Variants in TMC7 observed in about 807,000 individuals in gnomAD.
TMC7 encodes the protein transmembrane channel like 7, also known as transmembrane channel-like protein 7.
TMC7 carries 54 observed loss-of-function variants against 82.9 expected under a neutral mutation model. That is an observed-to-expected ratio of 0.65 (90% CI 0.52 to 0.82). The LOEUF (loss-of-function observed/expected upper bound fraction) is 0.82. TMC7 is among the 40% of genes least tolerant of loss of function. TMC7 has a pLI of 0.00. For synonymous variants in TMC7, 350 were observed against 337.9 expected, an observed-to-expected ratio of 1.04 and a Z score of -0.39; for missense variants, 820 against 901.2, an observed-to-expected ratio of 0.91 and a Z score of 1.15.
Position 19,035,786 on chromosome 16 carries a change from C to A in TMC7, c.968C>A (p.Ala323Glu), listed in dbSNP as rs773155092. ...WDFCITNRSM[A>E]DLKHSSLRYE... ...TTCTGCATCACTAACCGCAGCATGG[C>A]GGATCTGAAGCACAGCAGCTTGCGG... The change falls in exon 7 of 16, where the codon GCG becomes GAG. Residue 323 changes from alanine to glutamate, a missense_variant. By Grantham distance (107) the Ala-to-Glu change is moderately radical. Transcript: ENST00000304381. The A allele has an allele frequency of 2.5e-6, 4 of 1,608,366 alleles. No individual in the cohort carries two copies. Among genetic ancestry groups the A allele is most frequent in the Non-Finnish European group, 2.5e-6 (3 of 1,177,150 alleles).
intron 1 of TMC7, among the ~76,000 whole-genome samples, chr16:18,985,750 A>C (rs373615283): frequency 1.4e-5 from 2 of 146,306 alleles, no homozygotes; most frequent in South Asian, 4.5e-4. Context: ...TGGGAGGCTC[A>C]GAAGGGACTG....
intron 1 of TMC7, among the ~76,000 whole-genome samples, chr16:19,000,521 A>G (rs1184511607): frequency 6.6e-6 from 1 of 152,192 alleles, no homozygotes. Flanking sequence ...AAAGAAGTCC[A>G]TAATGTTCTG....
chr16:19,029,149 G>GCGCC (rs1320692385), intron 5 of TMC7, among the ~76,000 whole-genome samples: 10 of 151,412 alleles, frequency 6.6e-5, no homozygotes, highest in African/African-American at 2.4e-4. Context: ...GGGACTACAG[G>GCGCC]CGCCCGCCAC....
rs560378837 is a variant in TMC7, at chr16:19,020,580, T to C, written c.461-1049T>C. On this transcript the variant is annotated intron_variant, in intron 3 of 15. Transcript: ENST00000304381. ...ATACAATTTACAATAGTATCAAAAA[T>C]GTCAGGGCTGGGCGTGGTGGCTCAC... 1.8e-3 allele frequency among the ~76,000 whole-genome samples: 271 copies of C among 152,270 alleles called. 1 individual carries two copies. The Middle Eastern group carries it at 0.024, about 13-fold the overall frequency.
At position 19,011,391 on chromosome 16, in the gene TMC7, AG is replaced by A. The variant is rs569245171; in HGVS notation, c.311+1978del. ...GTAGCATAAATGCATTAGAAAGGTC[AG>A]GCAAAGTGGCTCATGCCTGTAATCA... On this transcript the variant is annotated intron_variant, in intron 2 of 15. Coordinates refer to ENST00000304381, the MANE Select transcript of TMC7 (RefSeq NM_024847.4). 2.2e-3 allele frequency among the ~76,000 whole-genome samples: 333 copies of A among 152,240 alleles called. 1 individual carries two copies. Among genetic ancestry groups the A allele is most frequent in the African/African-American group, 7.7e-3 (318 of 41,548 alleles).
chr16:19,011,551 T>TAA (rs1567508695), intron 2 of TMC7, among the ~76,000 whole-genome samples: 2 of 81,152 alleles, frequency 2.5e-5, no homozygotes, highest in Non-Finnish European at 3.1e-5. Context: ...ATAAATAAAA[T>TAA]AATAATAATA....
At chr16:19,053,965 G>C (rs543160689) in intron 13 of TMC7, among the ~76,000 whole-genome samples, 1 of 151,480 alleles carries the variant, frequency 6.6e-6, no homozygotes, top group Admixed American at 6.6e-5. Flanking sequence ...TTACAGGCGT[G>C]AGCCACCGTG....
chr16:19,056,929 AGCCT>A (rs1961803262), intron 14 of TMC7, among the ~76,000 whole-genome samples: 2 of 151,572 alleles, frequency 1.3e-5, no homozygotes, highest in Non-Finnish European at 2.9e-5. Flanking sequence ...GTTCGAGACC[AGCCT>A]GGACAGCACA....
rs1961551642 is a variant in TMC7, at chr16:19,051,761, GTGT to G, written c.1822_1824del (p.Leu608del). 1.2e-6 allele frequency: 2 copies of G among 1,613,868 alleles called. No homozygotes were observed. Among genetic ancestry groups the G allele is most frequent in the Admixed American group, 1.7e-5 (1 of 59,956 alleles). Reference sequence around the variant, plus strand: ...CAATTCTAATTTCTTCTTCCTGTTGGTGTTGTTGATCGGGCTGTGTTTGGCAAT... The same window carrying G: ...CAATTCTAATTTCTTCTTCCTGTTGGTGTTGATCGGGCTGTGTTTGGCAAT... On this transcript the variant is annotated inframe_deletion, in exon 13 of 16. Transcript: ENST00000304381.
intron 8 of TMC7, among the ~76,000 whole-genome samples, chr16:19,040,032 C>T (rs1336835491): frequency 1.4e-5 from 2 of 142,628 alleles, no homozygotes; most frequent in Non-Finnish European, 3.0e-5. Context: ...AGGAGAATCG[C>T]ATGAACCTGG....
At chr16:19,060,487 G>A (rs935537345) in intron 15 of TMC7, among the ~76,000 whole-genome samples, 2 of 152,042 alleles carry the variant, frequency 1.3e-5, no homozygotes, top group Admixed American at 6.6e-5. Context: ...TTACAGGCAT[G>A]AGCCACTATG....
At chr16:19,047,812 C>T (rs998258150) in intron 12 of TMC7, among the ~76,000 whole-genome samples, 2 of 150,164 alleles carry the variant, frequency 1.3e-5, no homozygotes, top group South Asian at 2.1e-4. Context: ...CCCCCAGGTT[C>T]GAGCGATTCT....
At chr16:19,057,159 A>C (rs756810906) in intron 14 of TMC7, among the ~76,000 whole-genome samples, 1 of 152,094 alleles carries the variant, frequency 6.6e-6, no homozygotes, top group Non-Finnish European at 1.5e-5. Flanking sequence ...AAATAAATAA[A>C]TAAACTAGGC....
intron 9 of TMC7, among the ~76,000 whole-genome samples, chr16:19,042,588 A>C (rs1407550007): frequency 6.6e-6 from 1 of 150,990 alleles, no homozygotes; most frequent in Non-Finnish European, 1.5e-5. Context: ...GCTCACTGCA[A>C]GCTCCGCCTC....
chr16:19,000,951 CAG>C (rs2039131320), intron 1 of TMC7, among the ~76,000 whole-genome samples: 1 of 151,748 alleles, frequency 6.6e-6, no homozygotes, highest in South Asian at 2.1e-4. Flanking sequence ...GCCTGGGAGG[CAG>C]AGTGAGTGGA....
intron 6 of TMC7, among the ~76,000 whole-genome samples, chr16:19,030,601 C>T (rs1960472427): frequency 6.9e-6 from 1 of 145,936 alleles, no homozygotes; most frequent in African/African-American, 2.5e-5. Flanking sequence ...TTTTTCCAGA[C>T]AGAGTCTTTC....
chr16:19,032,316 G>A (rs1960553189), intron 6 of TMC7, among the ~76,000 whole-genome samples: 1 of 152,178 alleles, frequency 6.6e-6, no homozygotes, highest in African/African-American at 2.4e-5. Flanking sequence ...GAATCTGTGA[G>A]ATGAACGTGA....
At chr16:19,039,099 T>C (rs1960891954) in intron 8 of TMC7, among the ~76,000 whole-genome samples, 3 of 148,340 alleles carry the variant, frequency 2.0e-5, no homozygotes, top group Admixed American at 6.7e-5. Context: ...TTTCTTTTTT[T>C]TTTTTTTTTG....
chr16:19,048,770 G>A (rs1961399661), intron 12 of TMC7, among the ~76,000 whole-genome samples: 1 of 152,174 alleles, frequency 6.6e-6, no homozygotes, highest in Admixed American at 6.5e-5. Context: ...TTTAAATAAT[G>A]CACATATGTA....
Sources: gnomAD v4.1 joint callset for allele counts (sites outside exome capture counted in the v4.1 genomes callset) on GRCh38, gnomAD v4.1.1 for gene constraint, MANE v1.5 for transcripts, NCBI Gene and HGNC (gene_info 2026-07-23, HGNC 2026-07-21) for gene names.